The following ADAMTS3 variants were observed in gnomAD, a reference collection of about 807,000 sequenced individuals.
ADAMTS3 encodes ADAM metallopeptidase with thrombospondin type 1 motif 3, also known as A disintegrin and metalloproteinase with thrombospondin motifs 3.
In ADAMTS3, 73 loss-of-function variants were observed where a neutral mutation model predicts 129.0. The observed-to-expected ratio is 0.57, with a 90% CI of 0.47 to 0.69. ADAMTS3 has a LOEUF of 0.69. Ranked by LOEUF, ADAMTS3 falls within the 30% of genes least tolerant of loss-of-function variation. The pLI is 0.00. For synonymous variants in ADAMTS3, 477 were observed against 510.8 expected (o/e 0.93, Z 0.89); for missense variants, 1,457 against 1,514.5 (o/e 0.96, Z 0.63).
At position 72,339,528 on chromosome 4, in the gene ADAMTS3, T is replaced by TGC; in HGVS notation, c.825_826dup (p.His276ArgfsTer8). On this transcript the variant is annotated frameshift_variant, in exon 5 of 22. Transcript: ENST00000286657. LOFTEE classifies it high-confidence loss of function. The stretch of plus-strand genomic sequence containing the variant: ...TAGGGTCAGGAGGTAGTTTTGGACG[T>TGC]GCTCTTTGCCATGGAAACGGACCAC... 2 of 1,613,940 alleles carry TGC rather than the reference T, an allele frequency of 1.2e-6. No individual in the cohort carries two copies. Among genetic ancestry groups the TGC allele is most frequent in the Non-Finnish European group, 1.7e-6 (2 of 1,179,872 alleles).
At chr4:72,508,677 A>C (rs1287668423) in intron 3 of ADAMTS3, among the ~76,000 whole-genome samples, 1 of 152,082 alleles carries the variant, frequency 6.6e-6, no homozygotes, top group African/African-American at 2.4e-5. Context: ...AGAATTTCTT[A>C]GGAGGAATAC....
At chr4:72,449,701 T>C (rs933795905) in intron 3 of ADAMTS3, among the ~76,000 whole-genome samples, 2 of 151,768 alleles carry the variant, frequency 1.3e-5, no homozygotes, top group African/African-American at 4.8e-5. Flanking sequence ...CTATTATACC[T>C]GCAGTTAAAT....
At chr4:72,426,437 G>A (rs1722576101) in intron 3 of ADAMTS3, among the ~76,000 whole-genome samples, 1 of 152,034 alleles carries the variant, frequency 6.6e-6, no homozygotes, top group South Asian at 2.1e-4. Context: ...TGTTGCTGTG[G>A]ATTCTGTTTA....
In ADAMTS3 at chr4:72,436,702, T is replaced by A. The variant is rs1044376272; in HGVS notation, c.505-21731A>T. Among the ~76,000 whole-genome samples, 15 of 152,172 alleles carry A rather than the reference T, an allele frequency of 9.9e-5. No individual in the cohort carries two copies. The East Asian group carries it at 2.9e-3, about 30-fold the overall frequency. ...TAAAAAAGGATGAGTTCATGTCCTT[T>A]ATAGGGACATGGATAAAGCTAGGAA... is the stretch of plus-strand genomic sequence containing the variant. On this transcript the variant is annotated intron_variant, in intron 3 of 21. Coordinates refer to ENST00000286657, the MANE Select transcript of ADAMTS3 (RefSeq NM_014243.3).
At position 72,548,786 on chromosome 4, in the gene ADAMTS3, T is replaced by G. The variant is rs1263499502; in HGVS notation, c.196A>C (p.Lys66Gln). Residue 66 changes from lysine (K) to glutamine (Q), a missense_variant, in exon 3 of 22, where the codon AAA (lysine) becomes CAA (glutamine). Physicochemically the swap from Lys to Gln is moderately conservative, Grantham distance 53. Coordinates refer to ENST00000286657, the MANE Select transcript of ADAMTS3 (RefSeq NM_014243.3). Reference sequence around the variant, plus strand: ...GACACGTCCCTCGCTGACCTCTTTTTGTGACTCGCAGAAAGAGTATGGGAG... The same window carrying G: ...GACACGTCCCTCGCTGACCTCTTTTGGTGACTCGCAGAAAGAGTATGGGAG... ...YLSHTLSASH[K>Q]KRSARDVSSN... 6.2e-7 allele frequency: 1 copy of G among 1,613,924 alleles called. No homozygotes were observed. Among genetic ancestry groups the G allele is most frequent in the Non-Finnish European group, 8.5e-7 (1 of 1,179,868 alleles).
chr4:72,343,836 G>A (rs183312969), intron 4 of ADAMTS3, among the ~76,000 whole-genome samples: 111 of 152,254 alleles, frequency 7.3e-4, no homozygotes, highest in African/African-American at 2.5e-3. Context: ...TGCTCACAGT[G>A]CCTTTTAAGC....
intron 3 of ADAMTS3, among the ~76,000 whole-genome samples, chr4:72,428,019 G>A (rs779009160): frequency 2.2e-4 from 32 of 145,454 alleles, no homozygotes; most frequent in Non-Finnish European, 3.9e-4. Context: ...TGTCATTTAA[G>A]AGTCAGTTTA....
At chr4:72,352,044 C>T (rs1041382030) in intron 4 of ADAMTS3, among the ~76,000 whole-genome samples, 1 of 151,822 alleles carries the variant, frequency 6.6e-6, no homozygotes, top group African/African-American at 2.4e-5. Flanking sequence ...GGCACAATGG[C>T]GATTCATGGT....
rs1054353863 is a variant in ADAMTS3, at chr4:72,569,029, G to A, written c.-267C>T. 3.7e-6 allele frequency: 2 copies of A among 536,386 alleles called. No individual in the cohort carries two copies. Among genetic ancestry groups the A allele is most frequent in the African/African-American group, 1.9e-5 (1 of 52,700 alleles). 33.2% of individuals were successfully genotyped at this position (536,386 alleles called of 1,614,324 possible). On this transcript the variant is annotated 5_prime_UTR_variant, in exon 1 of 22. Coordinates refer to ENST00000286657, the MANE Select transcript of ADAMTS3 (RefSeq NM_014243.3). Reference sequence around the variant, plus strand: ...GCAGGAGCGAGAAGGTGCTGTAAGCGGGCACAGGCTAAGCCTGGGAGAGGG... The same window carrying A: ...GCAGGAGCGAGAAGGTGCTGTAAGCAGGCACAGGCTAAGCCTGGGAGAGGG...
chr4:72,548,070 C>A (rs1008995988), intron 3 of ADAMTS3, among the ~76,000 whole-genome samples: 3 of 152,132 alleles, frequency 2.0e-5, no homozygotes, highest in African/African-American at 7.2e-5. Flanking sequence ...TTTCAAAATA[C>A]TTTCTTTACG....
At chr4:72,549,525 T>A (rs1002380589) in intron 2 of ADAMTS3, among the ~76,000 whole-genome samples, 1 of 152,144 alleles carries the variant, frequency 6.6e-6, no homozygotes, top group African/African-American at 2.4e-5. Context: ...ATCCAAGTTG[T>A]ACTCCTAAGC....
intron 4 of ADAMTS3, among the ~76,000 whole-genome samples, chr4:72,352,837 G>A (rs891144939): frequency 6.6e-6 from 1 of 151,886 alleles, no homozygotes; most frequent in South Asian, 2.1e-4. Flanking sequence ...GAAATGTTGG[G>A]GAAATAGAAC....
At chr4:72,554,613 C>T (rs183617224) in intron 2 of ADAMTS3, among the ~76,000 whole-genome samples, 24 of 149,172 alleles carry the variant, frequency 1.6e-4, no homozygotes, top group Non-Finnish European at 2.8e-4. Context: ...TGTCTTATAA[C>T]TTTCCCCCAT....
chr4:72,330,164 G>A (rs1343479424), intron 5 of ADAMTS3, among the ~76,000 whole-genome samples: 1 of 151,912 alleles, frequency 6.6e-6, no homozygotes, highest in East Asian at 1.9e-4. Context: ...GATTACAGGT[G>A]CACACCACCA....
intron 4 of ADAMTS3, among the ~76,000 whole-genome samples, chr4:72,363,607 T>G (rs1226502301): frequency 2.0e-5 from 3 of 152,070 alleles, no homozygotes; most frequent in Non-Finnish European, 4.4e-5. Flanking sequence ...TTTTCAAAGA[T>G]CAAAGAATAG....
At chr4:72,505,711 C>A (rs1297952577) in intron 3 of ADAMTS3, among the ~76,000 whole-genome samples, 1 of 152,194 alleles carries the variant, frequency 6.6e-6, no homozygotes, top group African/African-American at 2.4e-5. Context: ...CCTCCTTAGC[C>A]CTGAGTTCCC....
At chr4:72,485,524 G>T (rs1302815971) in intron 3 of ADAMTS3, among the ~76,000 whole-genome samples, 2 of 151,684 alleles carry the variant, frequency 1.3e-5, no homozygotes, top group Non-Finnish European at 2.9e-5. Flanking sequence ...TTTTTTTAAA[G>T]ATCATTGGAA....
At chr4:72,527,976 G>A (rs1193035920) in intron 3 of ADAMTS3, among the ~76,000 whole-genome samples, 1 of 152,138 alleles carries the variant, frequency 6.6e-6, no homozygotes, top group East Asian at 1.9e-4. Context: ...GCCTGGACTT[G>A]TGGATACAGA....
chr4:72,414,827 A>G lies in ADAMTS3; in HGVS notation c.649T>C (p.Phe217Leu), dbSNP rs771609492. 2.7e-6 allele frequency: 4 copies of G among 1,479,128 alleles called. No individual in the cohort carries two copies. Among genetic ancestry groups the G allele is most frequent in the Non-Finnish European group, 3.6e-6 (4 of 1,118,898 alleles). 91.6% of individuals were successfully genotyped at this position (1,479,128 alleles called of 1,614,324 possible). A position where few individuals can be genotyped will look rare whatever the true frequency, so the allele number is the denominator to read the frequency against. The change falls in exon 4 of 22, where the codon TTC (phenylalanine) becomes CTC (leucine). Residue 217 changes from phenylalanine to leucine, a missense_variant. Phe to Leu is a conservative substitution (Grantham distance 22). Coordinates refer to ENST00000286657, the MANE Select transcript of ADAMTS3 (RefSeq NM_014243.3). The part of the protein sequence containing the change: ...EQAPIDMSKD[F>L]HYRESDLEGL... ...TCAAGACGCCTACCTCTGTAGTGGA[A>G]GTCTTTGGACATGTCTATGGGAGCC...
Sources: allele counts gnomAD v4.1 joint callset (sites outside exome capture counted in the v4.1 genomes callset), GRCh38; gene constraint gnomAD v4.1.1; transcripts MANE v1.5; gene names NCBI Gene and HGNC (gene_info 2026-07-23, HGNC 2026-07-21).